The following BRD7 variants were observed in gnomAD, a reference collection of about 807,000 sequenced individuals.
The protein encoded by BRD7 is bromodomain containing 7.
In BRD7, 15 loss-of-function variants were observed where a neutral mutation model predicts 82.1. That is an observed-to-expected ratio of 0.18 (90% CI 0.12 to 0.28). The LOEUF (loss-of-function observed/expected upper bound fraction) is 0.28. Ranked by LOEUF, BRD7 falls within the 10% of genes least tolerant of loss-of-function variation. BRD7 has a pLI of 1.00. For synonymous variants in BRD7, 232 were observed against 266.9 expected (o/e 0.87, Z 1.27); for missense variants, 638 against 779.9 (o/e 0.82, Z 2.17).
intron 9 of BRD7, among the ~76,000 whole-genome samples, chr16:50,327,698 G>A (rs2037396504): frequency 6.6e-6 from 1 of 152,122 alleles, no homozygotes; most frequent in South Asian, 2.1e-4. Flanking sequence ...CCAAACACTA[G>A]GTTGGTATCT....
At position 50,320,321 on chromosome 16, in the gene BRD7, A is replaced by T. The variant is rs764271608; in HGVS notation, c.1683T>A (p.Asn561Lys). ...RLLRELQEAQ[N>K]ERLSTRPPPN... is the part of the protein sequence containing the mutation. ...GAGGGGGTCTGGTGCTCAAACGTTC[A>T]TTCTGGGCTTCCTGGAGTTCCCTGA... The change falls in exon 15 of 17, where the codon AAT (asparagine) becomes AAA (lysine). Residue 561 changes from asparagine to lysine, a missense_variant. Around this residue, in one of 3 missense-constraint regions of BRD7, gnomAD observed 402 missense variants for 500.8 expected, o/e 0.80. Coordinates refer to ENST00000394688, the MANE Select transcript of BRD7 (RefSeq NM_013263.5). 6.2e-7 allele frequency: 1 copy of T among 1,614,182 alleles called. No individual in the cohort carries two copies. Among genetic ancestry groups the T allele is most frequent in the South Asian group, 1.1e-5 (1 of 91,084 alleles).
At chr16:50,352,304 T>C (rs956730689) in intron 4 of BRD7, among the ~76,000 whole-genome samples, 4 of 152,264 alleles carry the variant, frequency 2.6e-5, no homozygotes, top group African/African-American at 9.6e-5. Context: ...GTGCAGTATT[T>C]GTTCTTCTGT....
intron 6 of BRD7, among the ~76,000 whole-genome samples, chr16:50,337,104 T>A (rs8045286): frequency 0.019 from 2,966 of 152,184 alleles, 103 homozygotes; most frequent in African/African-American, 0.068. Context: ...TTCCAAAGGG[T>A]AGAGCTAGGA....
Position 50,317,169 on chromosome 16 carries a change from A to C in BRD7, c.*2042T>G, listed in dbSNP as rs1157774978. Reference sequence around the variant, plus strand: ...TAATTTGCACAAAGGTGCTGGGTAGACTAGTGGCAGCTCTCATGTGCTGCA... The same window carrying C: ...TAATTTGCACAAAGGTGCTGGGTAGCCTAGTGGCAGCTCTCATGTGCTGCA... On this transcript the variant is annotated 3_prime_UTR_variant, in exon 17 of 17. Transcript: ENST00000394688. 6.5e-6 allele frequency: 1 copy of C among 152,820 alleles called. No individual in the cohort carries two copies. Among genetic ancestry groups the C allele is most frequent in the African/African-American group, 2.4e-5 (1 of 41,472 alleles). 9.5% of individuals were successfully genotyped at this position (152,820 alleles called of 1,614,324 possible).
At position 50,354,810 on chromosome 16, in the gene BRD7, G is replaced by T; in HGVS notation, c.371C>A (p.Ser124Tyr). The T allele has an allele frequency of 6.2e-7, 1 of 1,611,842 alleles. No homozygotes were observed. Among genetic ancestry groups the T allele is most frequent in the Non-Finnish European group, 8.5e-7 (1 of 1,179,808 alleles). ...DLPPEKPLTS[S>Y]LAKQEEVEQT... Reference sequence around the variant, plus strand: ...ATTCCAACCTTCTTGTTTGGCTAAAGAGCTTGTGAGAGGCTTCTCAGGAGG... The same window carrying T: ...ATTCCAACCTTCTTGTTTGGCTAAATAGCTTGTGAGAGGCTTCTCAGGAGG... Residue 124 changes from serine (S) to tyrosine (Y), a missense_variant, in exon 3 of 17, where the codon TCT (serine) becomes TAT (tyrosine). By Grantham distance (144) the Ser-to-Tyr change is moderately radical. Coordinates refer to ENST00000394688, the MANE Select transcript of BRD7 (RefSeq NM_013263.5).
intron 6 of BRD7, among the ~76,000 whole-genome samples, chr16:50,336,183 TTTAA>T (rs1323552175): frequency 2.6e-5 from 4 of 152,226 alleles, no homozygotes; most frequent in East Asian, 1.9e-4. Context: ...TACACCATGA[TTTAA>T]TTAATGGCCT....
rs556567953 is a variant in BRD7, at chr16:50,344,245, A to C, written c.592-4159T>G. 1.3e-4 allele frequency among the ~76,000 whole-genome samples: 20 copies of C among 152,308 alleles called. 1 individual carries two copies. In the South Asian group the frequency reaches 3.5e-3, roughly 27 times the overall value. ...ACAAATAGAAAGGACATCCGCACCA[A>C]AACTCCATCTGTATGTCACCATCAT... is the stretch of plus-strand genomic sequence containing the variant. On this transcript the variant is annotated intron_variant, in intron 5 of 16. Transcript: ENST00000394688.
chr16:50,333,485 G>A, intron 8 of BRD7, 89 bp downstream of exon 8: 1 of 1,516,690 alleles, frequency 6.6e-7, no homozygotes, highest in Non-Finnish European at 9.0e-7. Context: ...GGCAGATATG[G>A]ATTAAAAATA....
chr16:50,368,976 C>G lies in BRD7; in HGVS notation c.-202G>C, dbSNP rs1420399895. The G allele has an allele frequency of 6.9e-6, 1 of 144,790 alleles. No individual in the cohort carries two copies. 9.0% of individuals were successfully genotyped at this position (144,790 alleles called of 1,614,324 possible). On this transcript the variant is annotated 5_prime_UTR_variant, in exon 1 of 17. Transcript: ENST00000394688. ...AGACCCGGCCGGAGCCCGAGAGCGG[C>G]GGCGGGGGGGGCGCGCGGCCGGCGC...
chr16:50,351,229 G>T (rs190973151), intron 4 of BRD7, among the ~76,000 whole-genome samples: 222 of 152,258 alleles, frequency 1.5e-3, no homozygotes, highest in African/African-American at 5.1e-3. Context: ...CTCCACTACC[G>T]GAGGATACTG....
chr16:50,320,840 T>C, intron 13 of BRD7, 66 bp from the exon 14 acceptor site: 2 of 1,078,750 alleles, frequency 1.9e-6, no homozygotes, highest in Non-Finnish European at 2.9e-6. Flanking sequence ...TAACTAGAAA[T>C]TACTCAGATG....
At chr16:50,362,822 A>G (rs1054627458) in intron 2 of BRD7, among the ~76,000 whole-genome samples, 1 of 152,258 alleles carries the variant, frequency 6.6e-6, no homozygotes, top group Non-Finnish European at 1.5e-5. Flanking sequence ...AATAGGTACG[A>G]AAAAGTTCTG....
intron 2 of BRD7, among the ~76,000 whole-genome samples, chr16:50,363,114 A>G (rs2038993217): frequency 6.6e-6 from 1 of 152,232 alleles, no homozygotes; most frequent in South Asian, 2.1e-4. Flanking sequence ...ATGGGTGTGT[A>G]TATGGTTATT....
chr16:50,368,831 C>A lies in BRD7; in HGVS notation c.-57G>T, dbSNP rs1047899720. The stretch of plus-strand genomic sequence containing the variant: ...GCCAGGCCCAGGCCGTGCGGCGCCG[C>A]TTCCGGTCCGGGCCAGGCGAGCGGA... On this transcript the variant is annotated 5_prime_UTR_variant, in exon 1 of 17. Coordinates refer to ENST00000394688, the MANE Select transcript of BRD7 (RefSeq NM_013263.5). 12 of 1,362,858 alleles carry A rather than the reference C, an allele frequency of 8.8e-6. No homozygotes were observed. Among genetic ancestry groups the A allele is most frequent in the South Asian group, 5.9e-5 (4 of 68,356 alleles). 84.4% of individuals were successfully genotyped at this position (1,362,858 alleles called of 1,614,324 possible). A position where few individuals can be genotyped will look rare whatever the true frequency, so the allele number is the denominator to read the frequency against.
intron 8 of BRD7, among the ~76,000 whole-genome samples, chr16:50,332,358 C>A (rs1334207485): frequency 1.3e-5 from 2 of 152,206 alleles, no homozygotes; most frequent in African/African-American, 4.8e-5. Context: ...CATGAACAGA[C>A]ACCACTCAAA....
intron 10 of BRD7, 123 bp from the exon 11 acceptor site, chr16:50,326,006 A>T: frequency 9.4e-7 from 1 of 1,067,904 alleles, no homozygotes; most frequent in Non-Finnish European, 1.3e-6. Flanking sequence ...TTGCAAATCT[A>T]AGATATTTTC....
chr16:50,356,201 G>A (rs2038725139), intron 2 of BRD7, among the ~76,000 whole-genome samples: 1 of 152,192 alleles, frequency 6.6e-6, no homozygotes, highest in Non-Finnish European at 1.5e-5. Context: ...TTGCAATTGG[G>A]TGAATAGGAA....
chr16:50,357,983 A>C (rs2038802503), intron 2 of BRD7, among the ~76,000 whole-genome samples: 1 of 152,104 alleles, frequency 6.6e-6, no homozygotes. Flanking sequence ...CTGTCTCAAA[A>C]ACAAAACAAA....
At chr16:50,360,412 G>C (rs193267746) in intron 2 of BRD7, among the ~76,000 whole-genome samples, 22 of 152,290 alleles carry the variant, frequency 1.4e-4, no homozygotes, top group African/African-American at 5.1e-4. Flanking sequence ...CCTTTTAACA[G>C]CTGATTTTAG....
Sources: gnomAD v4.1 joint callset for allele counts (sites outside exome capture counted in the v4.1 genomes callset) on GRCh38, gnomAD v4.1.1 for gene constraint, gnomAD v4.1.1 regional missense constraint, MANE v1.5 for transcripts, NCBI Gene and HGNC (gene_info 2026-07-23, HGNC 2026-07-21) for gene names.